INTS9: variants seen among roughly 807,000 people sequenced by gnomAD.
The protein encoded by INTS9 is protein related to CPSF subunits of 74 kDa.
INTS9 carries 55 observed loss-of-function variants against 79.7 expected under a neutral mutation model. That is an observed-to-expected ratio of 0.69 (90% CI 0.56 to 0.86). The LOEUF (loss-of-function observed/expected upper bound fraction) is 0.86. INTS9 is among the 40% of genes least tolerant of loss of function. INTS9 has a pLI of 0.00. For synonymous variants in INTS9, 319 were observed against 325.2 expected, an observed-to-expected ratio of 0.98 and a Z score of 0.20; for missense variants, 721 against 831.5, an observed-to-expected ratio of 0.87 and a Z score of 1.64.
intron 5 of INTS9, 151 bp from the exon 6 acceptor site, chr8:28,835,529 C>A: frequency 5.4e-6 from 3 of 552,460 alleles, no homozygotes; most frequent in Non-Finnish European, 9.6e-6. Context: ...AACTTGATCA[C>A]CATTTGATAT....
At chr8:28,779,121 G>A (rs1457026447) in intron 12 of INTS9, among the ~76,000 whole-genome samples, 1 of 151,426 alleles carries the variant, frequency 6.6e-6, no homozygotes, top group African/African-American at 2.4e-5. Flanking sequence ...CATGTCAAAT[G>A]TCGAGTCACC....
In INTS9 at chr8:28,889,897, G is replaced by A; in HGVS notation, c.-15C>T. The A allele has an allele frequency of 2.5e-6, 4 of 1,612,546 alleles. No individual in the cohort carries two copies. The highest frequency in any genetic ancestry group is 3.4e-6 in the Non-Finnish European group (4 of 1,178,794). ...ACCAGTTTCATAATGGACTTTTGGT[G>A]GTTCAATAGCAGTCACTGAACTCCT... On this transcript the variant is annotated 5_prime_UTR_variant, in exon 1 of 17. Transcript: ENST00000521022.
intron 2 of INTS9, 43 bp from the exon 3 acceptor site, chr8:28,850,316 A>T (rs761037179): frequency 6.8e-7 from 1 of 1,478,970 alleles, no homozygotes; most frequent in Non-Finnish European, 9.4e-7. Context: ...TAAATAGATT[A>T]TAATCCTCAA....
chr8:28,785,760 GACACACACAT>G lies in INTS9; in HGVS notation c.1098+2059_1098+2068del, dbSNP rs1175032352. ...GAGCTGGAAGATACGTATGTGCACA[GACACACACAT>G]ACACACACATGCACAAGTGGATTTC... On this transcript the variant is annotated intron_variant, in intron 11 of 16. Transcript: ENST00000521022. 2.6e-5 allele frequency among the ~76,000 whole-genome samples: 4 copies of G among 152,278 alleles called. No homozygotes were observed. The East Asian group carries it at 7.7e-4, about 29-fold the overall frequency.
chr8:28,860,287 T>C (rs1274940874), intron 1 of INTS9, among the ~76,000 whole-genome samples: 1 of 152,226 alleles, frequency 6.6e-6, no homozygotes, highest in Non-Finnish European at 1.5e-5. Flanking sequence ...GTTGTGGCAG[T>C]GACAGATCTG....
chr8:28,805,226 A>G (rs1212628219), intron 8 of INTS9, among the ~76,000 whole-genome samples: 1 of 152,242 alleles, frequency 6.6e-6, no homozygotes, highest in Non-Finnish European at 1.5e-5. Flanking sequence ...GCAAATCTAA[A>G]TGGCTTCAGG....
intron 2 of INTS9, among the ~76,000 whole-genome samples, chr8:28,852,781 A>C (rs539546280): frequency 6.6e-6 from 1 of 152,260 alleles, no homozygotes; most frequent in Non-Finnish European, 1.5e-5. Context: ...CCTGGAAAAC[A>C]TTCTTTAATA....
chr8:28,821,288 G>A (rs1405956362), intron 6 of INTS9, among the ~76,000 whole-genome samples: 1 of 152,200 alleles, frequency 6.6e-6, no homozygotes, highest in African/African-American at 2.4e-5. Flanking sequence ...AATCATGGTG[G>A]GAGGTGAAAG....
chr8:28,806,498 C>T (rs894305133), intron 8 of INTS9, among the ~76,000 whole-genome samples: 13 of 151,904 alleles, frequency 8.6e-5, no homozygotes. Context: ...AGTAGCTAAG[C>T]AAAGATATAA....
rs1477644942 is a variant in INTS9, at chr8:28,835,286, C to T, written c.488+6G>A. The stretch of plus-strand genomic sequence containing the variant: ...TCTCTCGGTAAGAGAGTGGTCTGTT[C>T]CTCACCTCTGAATGTCCTTATTCTT... On this transcript the variant is annotated splice_donor_region_variant and intron_variant, in intron 6 of 16. Transcript: ENST00000521022. 1 of 1,609,226 alleles carries T rather than the reference C, an allele frequency of 6.2e-7. No homozygotes were observed. The highest frequency in any genetic ancestry group is 8.5e-7 in the Non-Finnish European group (1 of 1,175,950).
intron 6 of INTS9, among the ~76,000 whole-genome samples, chr8:28,817,256 T>G (rs1284283352): frequency 6.6e-6 from 1 of 151,900 alleles, no homozygotes; most frequent in African/African-American, 2.4e-5. Flanking sequence ...TGGTAATGCC[T>G]AGGTTTTCTT....
intron 14 of INTS9, among the ~76,000 whole-genome samples, chr8:28,774,539 A>G (rs1802756588): frequency 6.6e-6 from 1 of 152,204 alleles, no homozygotes; most frequent in South Asian, 2.1e-4. Flanking sequence ...TGAAAAAATC[A>G]TAACAAAATG....
intron 1 of INTS9, among the ~76,000 whole-genome samples, chr8:28,879,031 T>C (rs1156761897): frequency 1.3e-5 from 2 of 151,942 alleles, no homozygotes; most frequent in African/African-American, 2.4e-5. Context: ...TACACTCTTG[T>C]AGAACATAGA....
chr8:28,794,856 G>A lies in INTS9; in HGVS notation c.857-869C>T, dbSNP rs549061493. On this transcript the variant is annotated intron_variant, in intron 9 of 16. Coordinates refer to ENST00000521022, the MANE Select transcript of INTS9 (RefSeq NM_018250.4). ...AATCCCATTGGTCTTAAGGGAATGC[G>A]GTTAGTGGACCCCACTTTGGGAGAC... is the stretch of plus-strand genomic sequence containing the variant. 7.2e-5 allele frequency among the ~76,000 whole-genome samples: 11 copies of A among 152,218 alleles called. No homozygotes were observed. The South Asian group carries it at 2.1e-3, about 29-fold the overall frequency.
In INTS9 at chr8:28,813,436, C is replaced by T. The variant is rs1805278726; in HGVS notation, c.609+56G>A. 5 of 1,548,426 alleles carry T rather than the reference C, an allele frequency of 3.2e-6. No individual in the cohort carries two copies. In the East Asian group the frequency reaches 1.1e-4, roughly 35 times the overall value. ...CTATAGGATTCTTCCAAACAACAAACAACAATATGAATGGAAAGCATTCAT... is the reference window on the plus strand; with the variant it reads ...CTATAGGATTCTTCCAAACAACAAATAACAATATGAATGGAAAGCATTCAT... On this transcript the variant is annotated intron_variant, in intron 7 of 16. Transcript: ENST00000521022.
intron 1 of INTS9, among the ~76,000 whole-genome samples, chr8:28,880,338 C>T (rs981325556): frequency 1.3e-5 from 2 of 151,040 alleles, no homozygotes; most frequent in Non-Finnish European, 3.0e-5. Context: ...GCTGCCATCT[C>T]AGCTCACTGC....
intron 1 of INTS9, among the ~76,000 whole-genome samples, chr8:28,868,648 T>C (rs1808894155): frequency 6.6e-6 from 1 of 152,222 alleles, no homozygotes; most frequent in Non-Finnish European, 1.5e-5. Context: ...GGGTCTCAAA[T>C]ATCTTCATCT....
chr8:28,800,411 G>A (rs1276435110), intron 8 of INTS9, among the ~76,000 whole-genome samples: 3 of 152,128 alleles, frequency 2.0e-5, no homozygotes, highest in African/African-American at 2.4e-5. Context: ...AAGGAGTTGA[G>A]TAAAGAGAGT....
chr8:28,808,710 CTT>C (rs909474997), intron 8 of INTS9, among the ~76,000 whole-genome samples: 1 of 152,196 alleles, frequency 6.6e-6, no homozygotes, highest in African/African-American at 2.4e-5. Context: ...AACTTTTATT[CTT>C]TCTTTTCTGA....
Sources: allele counts gnomAD v4.1 joint callset (sites outside exome capture counted in the v4.1 genomes callset), GRCh38; gene constraint gnomAD v4.1.1; transcripts MANE v1.5; gene names NCBI Gene and HGNC (gene_info 2026-07-23, HGNC 2026-07-21).